ACOT11: variants seen among roughly 807,000 people sequenced by gnomAD.
The protein encoded by ACOT11 is acyl-coenzyme A thioesterase 11.
ACOT11 carries 69 observed loss-of-function variants against 77.5 expected under a neutral mutation model. The observed-to-expected ratio is 0.89, with a 90% CI of 0.73 to 1.09. ACOT11 has a LOEUF of 1.09. Among genes scored for constraint, ACOT11 ranks in the 50% least tolerant of loss-of-function variants. The pLI is 0.00. For missense variants in ACOT11, 766 were observed against 813.7 expected (o/e 0.94, Z 0.71); for synonymous variants, 279 against 313.0 (o/e 0.89, Z 1.15).
intron 3 of ACOT11, among the ~76,000 whole-genome samples, chr1:54,590,197 G>T (rs865904917): frequency 5.3e-5 from 8 of 152,244 alleles, no homozygotes; most frequent in Middle Eastern, 3.4e-3. Context: ...AGGAAAGCTG[G>T]CCATGTGCCC....
chr1:54,588,837 AG>A (rs2100984293), intron 3 of ACOT11, among the ~76,000 whole-genome samples: 1 of 152,264 alleles, frequency 6.6e-6, no homozygotes, highest in East Asian at 1.9e-4. Flanking sequence ...TGTGGTTGGA[AG>A]GGAAAGCCAG....
At position 54,597,341 on chromosome 1, in the gene ACOT11, C is replaced by A; in HGVS notation, c.690C>A (p.His230Gln). The A allele has an allele frequency of 6.2e-7, 1 of 1,613,948 alleles. No individual in the cohort carries two copies. The highest frequency in any genetic ancestry group is 8.5e-7 in the Non-Finnish European group (1 of 1,179,998). Residue 230 changes from histidine to glutamine, a missense_variant, in exon 7 of 16, where the codon CAC becomes CAA. Physicochemically the swap from His to Gln is conservative, Grantham distance 24 (BLOSUM62 0). Coordinates refer to ENST00000343744, the MANE Select transcript of ACOT11 (RefSeq NM_147161.4). ...VESVELVLPP[H>Q]ANHQGNTFGG... is the part of the protein sequence containing the mutation. ...GTGTGGAGCTGGTCCTGCCTCCCCA[C>A]GCCAATCACCAGGGCAACACCTTTG... is the stretch of plus-strand genomic sequence containing the variant.
chr1:54,634,581 A>G (rs1232913468), intron 16 of ACOT11: 4 of 668,474 alleles, frequency 6.0e-6, no homozygotes, highest in Non-Finnish European at 1.1e-5. Flanking sequence ...AGAACAGCCC[A>G]TACACAATTG....
At chr1:54,612,457 AGGGTGG>A, downstream of ACOT11, 1 of 1,448,882 alleles carries the variant, frequency 6.9e-7, no homozygotes, top group Non-Finnish European at 9.5e-7. Flanking sequence ...TGCCTCCAGG[AGGGTGG>A]GGGTGGGTTT....
chr1:54,615,543 T>A (rs866776857), intron 15 of ACOT11, among the ~76,000 whole-genome samples: 1 of 151,780 alleles, frequency 6.6e-6, no homozygotes, highest in Admixed American at 6.6e-5. Flanking sequence ...CCTGGAGAGA[T>A]ACAGTGTTGC....
chr1:54,562,305 C>G (rs1212480780), intron 1 of ACOT11, among the ~76,000 whole-genome samples: 1 of 108,772 alleles, frequency 9.2e-6, no homozygotes, highest in Admixed American at 7.8e-5. Context: ...GGCGGCTGGC[C>G]GGGTGGGGGG....
chr1:54,574,418 G>A (rs959645103), intron 1 of ACOT11, among the ~76,000 whole-genome samples: 3 of 152,134 alleles, frequency 2.0e-5, no homozygotes, highest in Non-Finnish European at 4.4e-5. Flanking sequence ...GTGAGGGCGC[G>A]GCTCAGGCTT....
chr1:54,588,830 G>C (rs913636744), intron 3 of ACOT11, among the ~76,000 whole-genome samples: 1 of 152,154 alleles, frequency 6.6e-6, no homozygotes, highest in African/African-American at 2.4e-5. Context: ...AGGAGGCTGT[G>C]GTTGGAAGGG....
At chr1:54,638,835 G>A (rs559458733) in exon 17 of ACOT11, 9 of 152,224 alleles carry the variant, frequency 5.9e-5, no homozygotes, top group African/African-American at 1.7e-4. Flanking sequence ...TTTGTTTCTT[G>A]AAGGAAGGTA....
chr1:54,550,816 C>T (rs1653034747), intron 1 of ACOT11, among the ~76,000 whole-genome samples: 1 of 151,712 alleles, frequency 6.6e-6, no homozygotes, highest in Admixed American at 6.6e-5. Context: ...GAGTGAGATC[C>T]TGTCTCAAAA....
At chr1:54,588,603 G>C (rs1184912930) in intron 3 of ACOT11, among the ~76,000 whole-genome samples, 1 of 152,150 alleles carries the variant, frequency 6.6e-6, no homozygotes, top group Non-Finnish European at 1.5e-5. Flanking sequence ...AGTCAAGGGG[G>C]GACTTCCTGG....
Position 54,607,129 on chromosome 1 carries a change from C to G in ACOT11, c.1371-5C>G, listed in dbSNP as rs765647475. On this transcript the variant is annotated splice_region_variant and splice_polypyrimidine_tract_variant and intron_variant, in intron 13 of 15. Transcript: ENST00000343744. The surrounding 1 kb of genome is among the most constrained non-coding windows in gnomAD (Gnocchi z 4.5). ...TGGGGCACTGAGATCCCGGCCTCCC[C>G]ACAGGAGCGTGGAGCTAGTGCAGCA... 1.2e-6 allele frequency: 2 copies of G among 1,614,042 alleles called. No individual in the cohort carries two copies. Among genetic ancestry groups the G allele is most frequent in the South Asian group, 2.2e-5 (2 of 91,088 alleles).
At position 54,609,519 on chromosome 1, in the gene ACOT11, C is replaced by G. The variant is rs759408794; in HGVS notation, c.*407C>G. ...TGGAAGGACACAGGTTGCCAGAGCC[C>G]CTGGCACAACTCTAGCATATCTGTG... On this transcript the variant is annotated 3_prime_UTR_variant, in exon 16 of 16. Transcript: ENST00000343744. 1.4e-5 allele frequency: 23 copies of G among 1,613,096 alleles called. No homozygotes were observed. In the South Asian group the frequency reaches 2.1e-4, roughly 15 times the overall value.
intron 1 of ACOT11, among the ~76,000 whole-genome samples, chr1:54,562,360 T>A (rs1384314890): frequency 1.9e-4 from 11 of 58,910 alleles, no homozygotes; most frequent in East Asian, 1.1e-3. Context: ...CTGGCCGGGC[T>A]GAGGGGCTCC....
chr1:54,634,655 T>C (rs6588520), intron 16 of ACOT11: 317,254 of 696,434 alleles, frequency 0.46, 74,474 homozygotes, highest in African/African-American at 0.63. Context: ...AAAATAATAA[T>C]TTGGGGTAGA....
chr1:54,555,106 T>C (rs529297376), intron 1 of ACOT11, among the ~76,000 whole-genome samples: 32 of 152,278 alleles, frequency 2.1e-4, no homozygotes, highest in African/African-American at 7.2e-4. Context: ...TTACAGACAT[T>C]GCGACACCAT....
In ACOT11 at chr1:54,618,950, G is replaced by GT. The variant is rs1433746121; in HGVS notation, c.1629+10883dup. 3.9e-5 allele frequency among the ~76,000 whole-genome samples: 6 copies of GT among 152,314 alleles called. No individual in the cohort carries two copies. In the East Asian group the frequency reaches 9.6e-4, roughly 24 times the overall value. On this transcript the variant is annotated intron_variant, in intron 15 of 16. Coordinates refer to the ACOT11 transcript ENST00000371316. ...ATATGGAGTTGATTGCTTAACTAGT[G>GT]TAAGGGGCCATCTGGTATATTTCTG...
intron 1 of ACOT11, among the ~76,000 whole-genome samples, chr1:54,555,796 G>C (rs1411214728): frequency 6.6e-6 from 1 of 151,878 alleles, no homozygotes; most frequent in Non-Finnish European, 1.5e-5. Flanking sequence ...CTAGGTTGGA[G>C]TGCAGTGGCA....
At chr1:54,566,627 G>C (rs540492492) in intron 1 of ACOT11, among the ~76,000 whole-genome samples, 3 of 152,284 alleles carry the variant, frequency 2.0e-5, no homozygotes, top group African/African-American at 7.2e-5. Flanking sequence ...TTCTGGCAGG[G>C]CTGGGCTGGG....
Sources: allele counts gnomAD v4.1 joint callset (sites outside exome capture counted in the v4.1 genomes callset), GRCh38; gene constraint gnomAD v4.1.1; non-coding constraint Gnocchi (gnomAD v3.1); transcripts MANE v1.5; gene names NCBI Gene and HGNC (gene_info 2026-07-23, HGNC 2026-07-21).